Variants in NUDT12 observed in about 807,000 individuals in gnomAD.
NUDT12 encodes nudix hydrolase 12.
Under a neutral mutation model 45.7 loss-of-function variants are expected in NUDT12, and 42 were observed. That is an observed-to-expected ratio of 0.92 (90% CI 0.72 to 1.19). NUDT12 has a LOEUF of 1.19. Among genes scored for constraint, NUDT12 ranks in the 50% most tolerant of loss-of-function variants. The probability of loss-of-function intolerance (pLI) is 0.00; values close to 1 mark genes in which losing one functional copy is unlikely to be tolerated. For synonymous variants in NUDT12, 206 were observed against 179.7 expected, an observed-to-expected ratio of 1.15 and a Z score of -1.17; for missense variants, 590 against 533.1, an observed-to-expected ratio of 1.11 and a Z score of -1.05.
chr5:103,561,231 A>C (rs1474795540), intron 1 of NUDT12, among the ~76,000 whole-genome samples: 1 of 152,152 alleles, frequency 6.6e-6, no homozygotes, highest in Admixed American at 6.5e-5. Flanking sequence ...TAAGATTTTT[A>C]AGCTAAAAAG....
At position 103,550,979 on chromosome 5, in the gene NUDT12, A is replaced by G. The variant is rs1471151460; in HGVS notation, c.1279-8T>C. The G allele has an allele frequency of 6.3e-7, 1 of 1,590,696 alleles. No individual in the cohort carries two copies. The highest frequency in any genetic ancestry group is 8.6e-7 in the Non-Finnish European group (1 of 1,159,088). On this transcript the variant is annotated splice_polypyrimidine_tract_variant and splice_region_variant and intron_variant, in intron 6 of 6. Coordinates refer to ENST00000230792, the MANE Select transcript of NUDT12 (RefSeq NM_031438.4). ...GGTCAGAACATCCAGGACCTAAAAC[A>G]CACCATAATAGAATGCATTAGGATT... is the stretch of plus-strand genomic sequence containing the variant.
chr5:103,552,478 GAAT>G, intron 5 of NUDT12, 62 bp from the exon 6 acceptor site: 2 of 1,287,504 alleles, frequency 1.6e-6, no homozygotes, highest in Non-Finnish European at 1.1e-6. Flanking sequence ...TTTGTGTCCT[GAAT>G]GGTTCAAACA....
intron 3 of NUDT12, among the ~76,000 whole-genome samples, chr5:103,556,409 T>C (rs980633846): frequency 6.6e-6 from 1 of 152,046 alleles, no homozygotes; most frequent in Non-Finnish European, 1.5e-5. Context: ...ATGATTCTAG[T>C]GTAGAGTAAG....
At chr5:103,561,590 T>A (rs1266807637) in intron 1 of NUDT12, among the ~76,000 whole-genome samples, 1 of 152,222 alleles carries the variant, frequency 6.6e-6, no homozygotes, top group South Asian at 2.1e-4. Context: ...AATTTCTACA[T>A]ACGTTAAAAA....
intron 3 of NUDT12, among the ~76,000 whole-genome samples, chr5:103,558,211 A>G (rs1189963298): frequency 6.6e-6 from 1 of 151,978 alleles, no homozygotes; most frequent in Non-Finnish European, 1.5e-5. Context: ...AATTCATGCC[A>G]TATTACCACC....
Position 103,550,844 on chromosome 5 carries a change from A to G in NUDT12, c.*17T>C. ...ATTAGAAATTATTAAATAATACTCAAAGCTTAGTTCTTAGATTTAGAGATT... is the reference window on the plus strand; with the variant it reads ...ATTAGAAATTATTAAATAATACTCAGAGCTTAGTTCTTAGATTTAGAGATT... On this transcript the variant is annotated 3_prime_UTR_variant, in exon 7 of 7. Transcript: ENST00000230792. The G allele has an allele frequency of 6.6e-7, 1 of 1,520,604 alleles. No homozygotes were observed. The highest frequency in any genetic ancestry group is 1.7e-4 in the Middle Eastern group (1 of 5,854). The allele number at this position is 1,520,604 out of a possible 1,614,324, so 94.2% of individuals were successfully genotyped here.
rs1748952497 is a variant in NUDT12, at chr5:103,559,365, C to T, written c.310G>A (p.Gly104Arg). 1.2e-6 allele frequency: 2 copies of T among 1,613,366 alleles called. No homozygotes were observed. Among genetic ancestry groups the T allele is most frequent in the East Asian group, 2.2e-5 (1 of 44,850 alleles). Residue 104 changes from glycine to arginine, a missense_variant, in exon 3 of 7, where the codon GGG becomes AGG. By Grantham distance (125) the Gly-to-Arg change is moderately radical. Coordinates refer to ENST00000230792, the MANE Select transcript of NUDT12 (RefSeq NM_031438.4). ...IANLLATAKG[G>R]KKPWFLTNEV... ...TTCGTTAGGAACCAAGGCTTCTTCCCACCTTTAGCAGTAGCTAGTAAATTA... is the reference window on the plus strand; with the variant it reads ...TTCGTTAGGAACCAAGGCTTCTTCCTACCTTTAGCAGTAGCTAGTAAATTA...
At chr5:103,553,102 G>A (rs1335169859) in intron 5 of NUDT12, among the ~76,000 whole-genome samples, 1 of 151,836 alleles carries the variant, frequency 6.6e-6, no homozygotes, top group Non-Finnish European at 1.5e-5. Flanking sequence ...GCTGTATTTA[G>A]CAAAATATAT....
Position 103,559,442 on chromosome 5 carries a change from G to A in NUDT12, c.233C>T (p.Ser78Leu). The A allele has an allele frequency of 4.5e-6, 7 of 1,541,320 alleles. No individual in the cohort carries two copies. The highest frequency in any genetic ancestry group is 6.1e-6 in the Non-Finnish European group (7 of 1,146,936). ...KGCDRSIVNK[S>L]RQTALDIAVF... ...AGCAATGTCCAGTGCAGTCTGCCTT[G>A]ATTTATTGACAATTGATCTGTCACA... The change falls in exon 3 of 7, where the codon TCA (serine) becomes TTA (leucine). Residue 78 changes from serine to leucine, a missense_variant. By Grantham distance (145) the Ser-to-Leu change is moderately radical (BLOSUM62 -2). Coordinates refer to ENST00000230792, the MANE Select transcript of NUDT12 (RefSeq NM_031438.4).
chr5:103,560,527 G>T (rs191907561), intron 1 of NUDT12, among the ~76,000 whole-genome samples: 1 of 152,188 alleles, frequency 6.6e-6, no homozygotes, highest in African/African-American at 2.4e-5. Flanking sequence ...CCTTGGGAGG[G>T]GGAACCAGGT....
intron 3 of NUDT12, among the ~76,000 whole-genome samples, chr5:103,557,918 T>C (rs372295560): frequency 6.6e-6 from 1 of 152,050 alleles, no homozygotes; most frequent in South Asian, 2.1e-4. Flanking sequence ...AGACATCTGA[T>C]TGTAATGTCC....
intron 1 of NUDT12, among the ~76,000 whole-genome samples, chr5:103,561,065 T>TC (rs1047815761): frequency 2.0e-5 from 3 of 151,988 alleles, no homozygotes; most frequent in African/African-American, 7.2e-5. Flanking sequence ...TTTGTCTTTT[T>TC]TTTTTTTTGG....
intron 5 of NUDT12, 91 bp downstream of exon 5, chr5:103,554,649 G>A (rs1261381084): frequency 4.6e-6 from 2 of 435,860 alleles, no homozygotes; most frequent in African/African-American, 4.1e-5. Flanking sequence ...TTTATAACAT[G>A]ATAATTTATC....
intron 3 of NUDT12, 146 bp downstream of exon 3, chr5:103,558,733 G>T: frequency 1.7e-6 from 1 of 580,536 alleles, no homozygotes; most frequent in Non-Finnish European, 3.0e-6. Flanking sequence ...CCCCTAGGGT[G>T]AGAACTTTAA....
rs1331171014 is a variant in NUDT12 at position 103,553,225 on chromosome 5, G to T, written c.1079-809C>A. On this transcript the variant is annotated intron_variant, in intron 5 of 6. Coordinates refer to ENST00000230792, the MANE Select transcript of NUDT12 (RefSeq NM_031438.4). ...AAATATAATTATAGACTAGTGTAAGGTATTTGCAAAACCATAACTAACAAA... is the reference window on the plus strand; with the variant it reads ...AAATATAATTATAGACTAGTGTAAGTTATTTGCAAAACCATAACTAACAAA... Among the ~76,000 whole-genome samples, 3 of 151,744 alleles carry T rather than the reference G, an allele frequency of 2.0e-5. No individual in the cohort carries two copies. The East Asian group carries it at 5.8e-4, about 29-fold the overall frequency.
chr5:103,554,774 G>A lies in NUDT12; in HGVS notation c.1044C>T (p.Gly348=). ...TAAATCCAGCAAGGCAAGTAAACATGCCTGGGGGAAATCTTTTCTGCCTGC... is the reference window on the plus strand; with the variant it reads ...TAAATCCAGCAAGGCAAGTAAACATACCTGGGGGAAATCTTTTCTGCCTGC... ...LLGRQKRFPP[G]MFTCLAGFIE... Residue 348 remains glycine, a synonymous_variant, in exon 5 of 7, where the codon GGC becomes GGT. Transcript: ENST00000230792. 1 of 1,549,006 alleles carries A rather than the reference G, an allele frequency of 6.5e-7. No individual in the cohort carries two copies. The highest frequency in any genetic ancestry group is 2.4e-5 in the East Asian group (1 of 41,640).
Position 103,560,645 on chromosome 5 carries a change from C to CT in NUDT12, c.-6-392dup, listed in dbSNP as rs1490016174. On this transcript the variant is annotated intron_variant, in intron 1 of 6. Transcript: ENST00000230792. ...AAACAGATGGAAGTAAAGGCAGAGA[C>CT]TTTATAAGTTTCACAGGAAAACAGT... is the stretch of plus-strand genomic sequence containing the variant. Among the ~76,000 whole-genome samples the CT allele has an allele frequency of 2.0e-5, 3 of 152,220 alleles. No individual in the cohort carries two copies. The East Asian group carries it at 5.8e-4, about 29-fold the overall frequency.
rs1562618602 is a variant in NUDT12 at position 103,555,919 on chromosome 5, T to C, written c.964+12A>G. 1 of 1,508,194 alleles carries C rather than the reference T, an allele frequency of 6.6e-7. No homozygotes were observed. The highest frequency in any genetic ancestry group is 2.0e-5 in the Admixed American group (1 of 49,260). 93.4% of individuals were successfully genotyped at this position (1,508,194 alleles called of 1,614,324 possible). On this transcript the variant is annotated intron_variant, in intron 4 of 6. Coordinates refer to ENST00000230792, the MANE Select transcript of NUDT12 (RefSeq NM_031438.4). ...AGATCCAGGTGGCTGAGATATAAAA[T>C]AAAGGGCTTACCAACTCTTGGGTAT...
intron 4 of NUDT12, among the ~76,000 whole-genome samples, chr5:103,555,131 A>C (rs1562618247): frequency 6.6e-6 from 1 of 151,970 alleles, no homozygotes; most frequent in Non-Finnish European, 1.5e-5. Context: ...TATGGATGTT[A>C]GGTGTATTAT....
Sources: gnomAD v4.1 joint callset for allele counts (sites outside exome capture counted in the v4.1 genomes callset) on GRCh38, gnomAD v4.1.1 for gene constraint, MANE v1.5 for transcripts, NCBI Gene and HGNC (gene_info 2026-07-23, HGNC 2026-07-21) for gene names.